The following KDM4C variants were observed in gnomAD, a reference collection of about 807,000 sequenced individuals.
KDM4C encodes lysine demethylase 4C, also known as lysine-specific demethylase 4C.
A neutral mutation model predicts 129.3 loss-of-function variants in KDM4C; 81 were observed. The ratio of observed to expected loss-of-function variants is 0.63; its 90% confidence interval spans 0.52 to 0.75. The LOEUF (loss-of-function observed/expected upper bound fraction) is 0.75, where lower values mean the gene tolerates loss of function less well. Ranked by LOEUF, KDM4C falls within the 30% of genes least tolerant of loss-of-function variation. The pLI, the probability that KDM4C is intolerant of heterozygous loss-of-function variation, is 0.00. For missense variants in KDM4C, 1,457 were observed against 1,304.0 expected (o/e 1.12, Z -1.81); for synonymous variants, 573 against 456.1 (o/e 1.26, Z -3.26).
At chr9:6,823,671 A>G (rs1370938327) in intron 4 of KDM4C, among the ~76,000 whole-genome samples, 1 of 152,228 alleles carries the variant, frequency 6.6e-6, no homozygotes, top group Non-Finnish European at 1.5e-5. Context: ...CAGCCAGATA[A>G]TCATTGGTCT....
rs747041897 is a variant in KDM4C, at chr9:7,092,206, C to T, written c.2425-11479C>T. Among the ~76,000 whole-genome samples, 89 of 152,230 alleles carry T rather than the reference C, an allele frequency of 5.8e-4. 1 individual carries two copies. Among genetic ancestry groups the T allele is most frequent in the Middle Eastern group, 6.8e-3 (2 of 294 alleles). ...TTTTGTTTATAGAGCACTTCTGTAT[C>T]CATTATTCCATTAATCACCACAGTA... On this transcript the variant is annotated intron_variant, in intron 17 of 21. Coordinates refer to ENST00000381309, the MANE Select transcript of KDM4C (RefSeq NM_015061.6).
chr9:6,778,089 TTTC>T (rs1322041007), intron 1 of KDM4C, among the ~76,000 whole-genome samples: 2 of 149,066 alleles, frequency 1.3e-5, no homozygotes, highest in Non-Finnish European at 1.5e-5. Context: ...TGCCTAATTT[TTTC>T]TTTTTTTTTT....
At chr9:6,823,148 T>C (rs1404167596) in intron 4 of KDM4C, among the ~76,000 whole-genome samples, 1 of 152,232 alleles carries the variant, frequency 6.6e-6, no homozygotes, top group Non-Finnish European at 1.5e-5. Flanking sequence ...ATTGTGTGTA[T>C]TCAAGTCGTC....
intron 8 of KDM4C, among the ~76,000 whole-genome samples, chr9:6,898,543 G>A (rs1480240650): frequency 6.6e-6 from 1 of 152,154 alleles, no homozygotes; most frequent in Non-Finnish European, 1.5e-5. Flanking sequence ...AGCTGGGAAT[G>A]TTCTCTTATA....
At chr9:6,955,227 T>C (rs1828860245) in intron 8 of KDM4C, among the ~76,000 whole-genome samples, 1 of 152,214 alleles carries the variant, frequency 6.6e-6, no homozygotes, top group East Asian at 1.9e-4. Context: ...GACAGAGTTT[T>C]AATAGTATCA....
intron 1 of KDM4C, among the ~76,000 whole-genome samples, chr9:6,760,507 G>A (rs757112398): frequency 2.7e-5 from 4 of 149,848 alleles, no homozygotes; most frequent in South Asian, 2.1e-4. Flanking sequence ...GACTGCATGC[G>A]TAAGGAGGGA....
chr9:7,019,942 C>G (rs950352580), intron 15 of KDM4C, among the ~76,000 whole-genome samples: 5 of 151,610 alleles, frequency 3.3e-5, no homozygotes, highest in Admixed American at 2.6e-4. Flanking sequence ...TAGATCAGCT[C>G]TCTTTTTATT....
chr9:6,772,885 G>C (rs1417252222), intron 1 of KDM4C, among the ~76,000 whole-genome samples: 1 of 139,696 alleles, frequency 7.2e-6, no homozygotes, highest in Admixed American at 7.3e-5. Context: ...TAGTAGAGAT[G>C]GGGTTTCACC....
At chr9:7,118,572 A>G (rs1186866068) in intron 18 of KDM4C, among the ~76,000 whole-genome samples, 1 of 152,212 alleles carries the variant, frequency 6.6e-6, no homozygotes, top group Non-Finnish European at 1.5e-5. Context: ...GAAAAAATAC[A>G]ATAATAATAT....
intron 1 of KDM4C, chr9:6,734,944 G>T: frequency 1.7e-6 from 1 of 572,976 alleles, no homozygotes; most frequent in South Asian, 1.4e-5. Context: ...TTTTCAGAGG[G>T]ATCTATATGT....
intron 8 of KDM4C, among the ~76,000 whole-genome samples, chr9:6,939,021 T>TA (rs933882617): frequency 2.6e-5 from 4 of 151,686 alleles, no homozygotes; most frequent in African/African-American, 9.7e-5. Context: ...AAACATTCCT[T>TA]AAAGCAGGGG....
At chr9:6,808,761 G>C (rs1228064950) in intron 3 of KDM4C, among the ~76,000 whole-genome samples, 1 of 101,440 alleles carries the variant, frequency 9.9e-6, no homozygotes, top group African/African-American at 3.9e-5. Context: ...CAAGCCAGTT[G>C]TTAAGTGTAG....
chr9:6,762,900 C>G (rs549050460), intron 1 of KDM4C, among the ~76,000 whole-genome samples: 1 of 152,000 alleles, frequency 6.6e-6, no homozygotes, highest in South Asian at 2.1e-4. Context: ...CTCAGGTGAT[C>G]CACCCCCTCA....
intron 6 of KDM4C, among the ~76,000 whole-genome samples, chr9:6,880,602 G>A (rs1844290648): frequency 2.6e-5 from 4 of 152,122 alleles, no homozygotes; most frequent in Admixed American, 2.6e-4. Flanking sequence ...CAATACACAT[G>A]AGATTTTGGG....
intron 1 of KDM4C, among the ~76,000 whole-genome samples, chr9:6,760,129 C>T (rs1819123872): frequency 6.6e-6 from 1 of 151,966 alleles, no homozygotes. Context: ...CCTTCTGTCC[C>T]TAGGCAACCA....
intron 1 of KDM4C, among the ~76,000 whole-genome samples, chr9:6,751,399 T>C (rs957033889): frequency 3.3e-5 from 5 of 152,152 alleles, no homozygotes; most frequent in Non-Finnish European, 5.9e-5. Context: ...TGAGCCAAGA[T>C]TGCACCACTG....
At chr9:6,799,782 G>A (rs1230625616) in intron 2 of KDM4C, among the ~76,000 whole-genome samples, 2 of 151,062 alleles carry the variant, frequency 1.3e-5, no homozygotes, top group Non-Finnish European at 2.9e-5. Context: ...GCTTATTTCC[G>A]AGGAAAAAAG....
intron 4 of KDM4C, among the ~76,000 whole-genome samples, chr9:6,820,671 C>T (rs1057103982): frequency 1.3e-5 from 2 of 150,444 alleles, no homozygotes; most frequent in Non-Finnish European, 2.9e-5. Context: ...AGGGAGAGGG[C>T]CTGGAAATCC....
intron 1 of KDM4C, chr9:6,734,981 A>G: frequency 1.8e-6 from 1 of 566,442 alleles, no homozygotes; most frequent in South Asian, 1.4e-5. Flanking sequence ...CTCCAACCAC[A>G]CTCAAGTTGA....
Sources: gnomAD v4.1 joint callset for allele counts (sites outside exome capture counted in the v4.1 genomes callset) on GRCh38, gnomAD v4.1.1 for gene constraint, MANE v1.5 for transcripts, NCBI Gene and HGNC (gene_info 2026-07-23, HGNC 2026-07-21) for gene names.